ZNF600: variants seen among roughly 807,000 people sequenced by gnomAD.
ZNF600 encodes zinc finger protein 600.
ZNF600 carries 4 observed loss-of-function variants against 7.3 expected under a neutral mutation model. The observed-to-expected ratio is 0.55, with a 90% CI of 0.27 to 1.25. ZNF600 has a LOEUF of 1.25. ZNF600 is among the 50% of genes most tolerant of loss of function. ZNF600 has a pLI of 0.12. For missense variants in ZNF600, 911 were observed against 922.1 expected (o/e 0.99, Z 0.16); for synonymous variants, 290 against 308.9 (o/e 0.94, Z 0.64).
chr19:52,800,684 T>C, the ZNF600 span: 2 of 1,613,816 alleles, frequency 1.2e-6, no homozygotes, highest in South Asian at 1.1e-5. Flanking sequence ...CTTTTTCACA[T>C]TCTTCACATT....
chr19:52,808,166 A>G, the ZNF600 span: 33 of 1,611,074 alleles, frequency 2.0e-5, no homozygotes, highest in Non-Finnish European at 2.6e-5. Context: ...CCAAATGGTT[A>G]TGGTGGAGTT....
At chr19:52,811,145 C>T in the ZNF600 span, among the ~76,000 whole-genome samples, 9 of 150,824 alleles carry the variant, frequency 6.0e-5, no homozygotes, top group Admixed American at 4.0e-4. Context: ...CCGCCAGCCT[C>T]GGCCTCCCGA....
chr19:52,809,846 T>TGGTGGC, the ZNF600 span: 7 of 490,986 alleles, frequency 1.4e-5, no homozygotes, highest in African/African-American at 1.6e-4. Context: ...GCGGTGGCGG[T>TGGTGGC]GGTGGCAGTA....
the ZNF600 span, chr19:52,799,515 C>A: frequency 1.6e-6 from 2 of 1,237,356 alleles, no homozygotes; most frequent in Non-Finnish European, 2.3e-6. Context: ...ACATTCATTA[C>A]ACTTGTAAAG....
Position 52,775,626 on chromosome 19 carries a change from A to C in ZNF600, c.64-925T>G, listed in dbSNP as rs114656206. Among the ~76,000 whole-genome samples, 571 of 152,296 alleles carry C rather than the reference A, an allele frequency of 3.7e-3. 4 individuals are homozygous for C. Among genetic ancestry groups the C allele is most frequent in the African/African-American group, 0.013 (527 of 41,562 alleles). ...GATATTATGTTCAACATACCAGGTG[A>C]TATTAAGTCTCTAGATGAGCTAAGA... On this transcript the variant is annotated intron_variant, in intron 2 of 3. Coordinates refer to ENST00000648973, the Ensembl canonical transcript of ZNF600.
chr19:52,803,519 A>G, the ZNF600 span, among the ~76,000 whole-genome samples: 1 of 152,250 alleles, frequency 6.6e-6, no homozygotes, highest in Non-Finnish European at 1.5e-5. Flanking sequence ...AAGTAGATTT[A>G]TACAGACTGA....
At chr19:52,767,459 G>A (rs1318014848) in exon 4 of ZNF600, 27 of 1,614,092 alleles carry the variant, frequency 1.7e-5, no homozygotes, top group Non-Finnish European at 2.3e-5. Flanking sequence ...TCTGAATTAT[G>A]TGGAGTTCAG....
intron 3 of ZNF600, 25 bp from the exon 6 acceptor site, chr19:52,767,797 T>C (rs766027691): frequency 2.0e-6 from 3 of 1,530,218 alleles, no homozygotes; most frequent in Admixed American, 2.2e-5. Flanking sequence ...CAACAATAGG[T>C]TTCCAATTAA....
At chr19:52,799,045 CCTGT>C in the ZNF600 span, 6 of 547,230 alleles carry the variant, frequency 1.1e-5, no homozygotes, top group South Asian at 7.8e-5. Context: ...TATGAATTCT[CCTGT>C]CTTTCAAGCT....
intron 1 of ZNF600, among the ~76,000 whole-genome samples, chr19:52,786,011 C>T (rs955665673): frequency 2.0e-5 from 3 of 152,108 alleles, no homozygotes; most frequent in African/African-American, 7.2e-5. Flanking sequence ...TCTCATTCTT[C>T]TTTTCTCTGT....
the ZNF600 span, chr19:52,808,047 C>G: frequency 2.5e-6 from 4 of 1,613,560 alleles, no homozygotes; most frequent in African/African-American, 4.0e-5. Flanking sequence ...GCATCACATC[C>G]CTGTAAAGAG....
the ZNF600 span, chr19:52,817,991 G>A: frequency 6.2e-7 from 1 of 1,610,296 alleles, no homozygotes; most frequent in Admixed American, 1.7e-5. Flanking sequence ...TTCCTCTTCT[G>A]GGTTTCTTCC....
At chr19:52,796,034 G>A in the ZNF600 span, among the ~76,000 whole-genome samples, 3 of 152,152 alleles carry the variant, frequency 2.0e-5, no homozygotes, top group Non-Finnish European at 2.9e-5. Context: ...AATTTGCCGG[G>A]TGCAATGGCG....
chr19:52,774,364 G>C (rs1310194863), intron 3 of ZNF600, among the ~76,000 whole-genome samples: 2 of 151,834 alleles, frequency 1.3e-5, no homozygotes, highest in African/African-American at 4.8e-5. Context: ...GGGAGGCAGA[G>C]GTTGCGGTGA....
At chr19:52,798,349 T>C in the ZNF600 span, 3 of 340,788 alleles carry the variant, frequency 8.8e-6, no homozygotes, top group Non-Finnish European at 1.7e-5. Context: ...TTAAACTCAA[T>C]GTTAAGTCAA....
intron 3 of ZNF600, among the ~76,000 whole-genome samples, chr19:52,773,065 G>A (rs2062643500): frequency 6.6e-6 from 1 of 152,178 alleles, no homozygotes; most frequent in South Asian, 2.1e-4. Flanking sequence ...GGAAATTGGG[G>A]TGTTCACTAT....
At chr19:52,789,630 G>A (rs756025938), upstream of ZNF600, among the ~76,000 whole-genome samples, 6 of 152,228 alleles carry the variant, frequency 3.9e-5, no homozygotes, top group Non-Finnish European at 7.4e-5. Context: ...CTCACACCTG[G>A]AATGCCAGCA....
In ZNF600 at chr19:52,772,480, G is replaced by A. The variant is rs1289676020; in HGVS notation, c.190+2095C>T. 3.9e-5 allele frequency among the ~76,000 whole-genome samples: 6 copies of A among 151,954 alleles called. No homozygotes were observed. The South Asian group carries it at 1.2e-3, about 32-fold the overall frequency. On this transcript the variant is annotated intron_variant, in intron 3 of 3. Coordinates refer to ENST00000648973, the Ensembl canonical transcript of ZNF600. ...TAGCCAGGCGTGGTGGTGCATGCCT[G>A]TAATCCCAGCTACTTGGGAGGCTGC...
At chr19:52,790,381 C>T (rs1343459545), upstream of ZNF600, among the ~76,000 whole-genome samples, 1 of 152,116 alleles carries the variant, frequency 6.6e-6, no homozygotes, top group African/African-American at 2.4e-5. Flanking sequence ...CCTTTAGCCC[C>T]AGCTACTTGG....
Sources: allele counts gnomAD v4.1 joint callset (sites outside exome capture counted in the v4.1 genomes callset), GRCh38; gene constraint gnomAD v4.1.1; transcripts MANE v1.5; gene names NCBI Gene and HGNC (gene_info 2026-07-23, HGNC 2026-07-21).